PRKN: variants seen among roughly 807,000 people sequenced by gnomAD.
PRKN encodes parkin RBR E3 ubiquitin protein ligase.
In PRKN, 56 loss-of-function variants were observed where a neutral mutation model predicts 59.5. The observed-to-expected ratio is 0.94, with a 90% CI of 0.76 to 1.18. The LOEUF is 1.18. Among genes scored for constraint, PRKN ranks in the 50% most tolerant of loss-of-function variants. The pLI is 0.00. For synonymous variants in PRKN, 250 were observed against 222.1 expected, an observed-to-expected ratio of 1.13 and a Z score of -1.12; for missense variants, 657 against 596.4, an observed-to-expected ratio of 1.10 and a Z score of -1.06.
In PRKN at chr6:162,419,402, G is replaced by A. The variant is rs145881783; in HGVS notation, c.171+23908C>T. 5.5e-4 allele frequency among the ~76,000 whole-genome samples: 84 copies of A among 152,280 alleles called. 1 individual carries two copies. In the East Asian group the frequency reaches 0.014, roughly 26 times the overall value. On this transcript the variant is annotated intron_variant, in intron 2 of 11. Transcript: ENST00000366898. ...TAAAATCAACTGAGCTTAAGAAGAC[G>A]TTTACATGCATGTGGTCAGTCCTCA...
intron 1 of PRKN, among the ~76,000 whole-genome samples, chr6:162,506,507 T>C (rs1793615158): frequency 1.3e-5 from 2 of 152,164 alleles, no homozygotes; most frequent in African/African-American, 4.8e-5. Flanking sequence ...ATTTGAAAGA[T>C]TAAATGTGCG....
intron 3 of PRKN, among the ~76,000 whole-genome samples, chr6:162,259,667 A>T (rs1214674021): frequency 6.6e-6 from 1 of 152,246 alleles, no homozygotes; most frequent in Non-Finnish European, 1.5e-5. Context: ...TGAAGAGATG[A>T]AATCTCAATT....
rs911322741 is a variant in PRKN at position 161,526,466 on chromosome 6, T to C, written c.1083+22388A>G. ...AATATTAAGTGATATTTTCCTATTG[T>C]CTTCTTTTTTGTTGTCCTGTCTTGC... On this transcript the variant is annotated intron_variant, in intron 9 of 11. Transcript: ENST00000366898. This position sits in a 1 kb window ranked among gnomAD's most constrained non-coding sequence, Gnocchi z 4.1. Among the ~76,000 whole-genome samples, 1 of 152,112 alleles carries C rather than the reference T, an allele frequency of 6.6e-6. No individual in the cohort carries two copies. Among genetic ancestry groups the C allele is most frequent in the Admixed American group, 6.5e-5 (1 of 15,270 alleles).
intron 6 of PRKN, among the ~76,000 whole-genome samples, chr6:161,883,500 G>C (rs1463110822): frequency 7.4e-6 from 1 of 135,892 alleles, no homozygotes; most frequent in Non-Finnish European, 1.6e-5. Context: ...GAAGGGAAGG[G>C]AAGGGAAGGT....
chr6:161,353,600 G>A lies in PRKN; in HGVS notation c.1286-3389C>T, dbSNP rs1784643026. ...CTCCGCGACCCTTCCCCCATACCTC[G>A]CCCTCTGCATCTCTTCATCTGTATC... is the stretch of plus-strand genomic sequence containing the variant. On this transcript the variant is annotated intron_variant, in intron 11 of 11. Coordinates refer to ENST00000366898, the MANE Select transcript of PRKN (RefSeq NM_004562.3). This position sits in a 1 kb window ranked among gnomAD's most constrained non-coding sequence, Gnocchi z 4.8. Among the ~76,000 whole-genome samples, 1 of 152,282 alleles carries A rather than the reference G, an allele frequency of 6.6e-6. No homozygotes were observed. The highest frequency in any genetic ancestry group is 2.4e-5 in the African/African-American group (1 of 41,552).
Position 161,350,229 on chromosome 6 carries a change from C to G in PRKN, c.1286-18G>C. ...GCAGCCTCCTGTTGGGGGCAGAAAA[C>G]AAAGGTGTGGTGGGTTCGCAGCAAG... On this transcript the variant is annotated intron_variant, in intron 11 of 11. Coordinates refer to ENST00000366898, the MANE Select transcript of PRKN (RefSeq NM_004562.3). 1 of 1,590,440 alleles carries G rather than the reference C, an allele frequency of 6.3e-7. No homozygotes were observed. Among genetic ancestry groups the G allele is most frequent in the African/African-American group, 1.3e-5 (1 of 74,564 alleles).
At chr6:162,374,021 ATCT>A (rs1445759775) in intron 2 of PRKN, among the ~76,000 whole-genome samples, 1 of 152,190 alleles carries the variant, frequency 6.6e-6, no homozygotes. Context: ...AAACTTGGTG[ATCT>A]TCGTGATTGG....
intron 4 of PRKN, among the ~76,000 whole-genome samples, chr6:162,070,717 C>T (rs990401490): frequency 6.6e-6 from 1 of 152,158 alleles, no homozygotes; most frequent in Admixed American, 6.5e-5. Context: ...TCATAAGGAG[C>T]GTGCAACCTA....
intron 6 of PRKN, among the ~76,000 whole-genome samples, chr6:161,899,694 C>T (rs555510033): frequency 6.6e-6 from 1 of 152,338 alleles, no homozygotes; most frequent in African/African-American, 2.4e-5. Flanking sequence ...ACTTACCAAA[C>T]ATACACTGTC....
chr6:162,034,791 G>T (rs1291080323), intron 5 of PRKN, among the ~76,000 whole-genome samples: 2 of 152,122 alleles, frequency 1.3e-5, no homozygotes, highest in Non-Finnish European at 2.9e-5. Context: ...TTTCAGTCAG[G>T]AAAAATATAG....
intron 4 of PRKN, among the ~76,000 whole-genome samples, chr6:162,150,207 C>T (rs748586137): frequency 1.9e-4 from 29 of 152,126 alleles, no homozygotes; most frequent in African/African-American, 4.8e-4. Context: ...AAATACCTGA[C>T]GGACAACAAC....
At chr6:162,508,728 C>T (rs772739027) in intron 1 of PRKN, among the ~76,000 whole-genome samples, 6 of 152,082 alleles carry the variant, frequency 3.9e-5, no homozygotes, top group Non-Finnish European at 8.8e-5. Flanking sequence ...AGCAGCATCT[C>T]AGAAGCCTCT....
intron 2 of PRKN, among the ~76,000 whole-genome samples, chr6:162,342,413 G>A (rs1784219052): frequency 6.6e-6 from 1 of 152,150 alleles, no homozygotes; most frequent in African/African-American, 2.4e-5. Flanking sequence ...CACCAGGCAC[G>A]ATGTGAAGTA....
chr6:161,840,070 CTCT>C (rs1792921517), intron 6 of PRKN, among the ~76,000 whole-genome samples: 2 of 152,372 alleles, frequency 1.3e-5, no homozygotes, highest in Admixed American at 6.5e-5. Context: ...GACAGCATCT[CTCT>C]TCTTCTGCTG....
At chr6:162,339,531 C>CT (rs1784061320) in intron 2 of PRKN, among the ~76,000 whole-genome samples, 2 of 122,152 alleles carry the variant, frequency 1.6e-5, no homozygotes, top group Non-Finnish European at 3.8e-5. Context: ...GTCAGCCCCC[C>CT]GCCCGGCCAG....
chr6:162,281,281 G>T (rs573454668), intron 2 of PRKN, among the ~76,000 whole-genome samples: 1 of 152,094 alleles, frequency 6.6e-6, no homozygotes, highest in African/African-American at 2.4e-5. Flanking sequence ...TGGGGGGCTA[G>T]GGAAGGGATA....
intron 1 of PRKN, among the ~76,000 whole-genome samples, chr6:162,487,437 C>CA (rs1358755246): frequency 6.6e-6 from 1 of 152,212 alleles, no homozygotes; most frequent in South Asian, 2.1e-4. Context: ...GGAGAGCCTG[C>CA]ACGCGTGGCA....
At chr6:161,949,579 G>T (rs1185506389) in intron 6 of PRKN, among the ~76,000 whole-genome samples, 3 of 152,172 alleles carry the variant, frequency 2.0e-5, no homozygotes, top group Non-Finnish European at 4.4e-5. Context: ...ATAACTCCTT[G>T]AAGGACACAG....
rs537804643 is a variant in PRKN, at chr6:162,646,074, G to A, written c.7+81588C>T. 1.1e-4 allele frequency among the ~76,000 whole-genome samples: 17 copies of A among 151,522 alleles called. No individual in the cohort carries two copies. In the South Asian group the frequency reaches 2.3e-3, roughly 20 times the overall value. On this transcript the variant is annotated intron_variant, in intron 1 of 11. Coordinates refer to ENST00000366898, the MANE Select transcript of PRKN (RefSeq NM_004562.3). ...TATTTTTAGTAGAGACGGTTTCACC[G>A]TGTTAGCCAGGATGGTCTCGATCTC...
Sources: gnomAD v4.1 joint callset for allele counts (sites outside exome capture counted in the v4.1 genomes callset) on GRCh38, gnomAD v4.1.1 for gene constraint, Gnocchi (gnomAD v3.1) non-coding constraint, MANE v1.5 for transcripts, NCBI Gene and HGNC (gene_info 2026-07-23, HGNC 2026-07-21) for gene names.